PHF8: variants seen among roughly 807,000 people sequenced by gnomAD.
PHF8 encodes the protein PHD finger protein 8.
PHF8 carries 9 observed loss-of-function variants against 74.4 expected under a neutral mutation model. The ratio of observed to expected loss-of-function variants is 0.12; its 90% CI spans 0.07 to 0.21. The LOEUF is 0.21. Among genes scored for constraint, PHF8 ranks in the 10% least tolerant of loss-of-function variants. The pLI, the probability that PHF8 is intolerant of heterozygous loss-of-function variation, is 1.00. For missense variants in PHF8, 478 were observed against 816.6 expected (o/e 0.59, Z 5.05); for synonymous variants, 311 against 316.6 (o/e 0.98, Z 0.19).
At chrX:54,016,548 G>T in intron 6 of PHF8, 47 bp downstream of exon 6, 1 of 1,088,193 alleles carries the variant, frequency 9.2e-7, no homozygotes, top group Non-Finnish European at 1.3e-6. Context: ...TATCACACAA[G>T]TTTCAGGCAC....
intron 1 of PHF8, chrX:54,043,159 T>G: frequency 2.6e-6 from 2 of 781,463 alleles, no homozygotes; most frequent in Non-Finnish European, 3.1e-6. Flanking sequence ...AACCCTCCCC[T>G]AGCTGACCCC....
chrX:53,978,964 G>T (rs1434690615), intron 18 of PHF8, among the ~76,000 whole-genome samples: 2 of 111,263 alleles, frequency 1.8e-5, no homozygotes, highest in Non-Finnish European at 3.8e-5. Flanking sequence ...GACTACAAAG[G>T]GGGTAGTAAC....
chrX:54,009,851 A>G lies in PHF8; in HGVS notation c.946+1271T>C, dbSNP rs1557106321. Among the ~76,000 whole-genome samples, 34 of 74,106 alleles carry G rather than the reference A, an allele frequency of 4.6e-4. 1 individual carries two copies. Among genetic ancestry groups the G allele is most frequent in the Middle Eastern group, 0.011 (2 of 176 alleles). 64.4% of individuals were successfully genotyped at this position (74,106 alleles called of 115,157 possible). A position where few individuals can be genotyped will look rare whatever the true frequency, so the allele number is the denominator to read the frequency against. On this transcript the variant is annotated intron_variant, in intron 8 of 21. Transcript: ENST00000338154. ...GAGTGAGACTCTGTCTCAGAAAAAA[A>G]AAAAAAAAAAAAAAAAAAAAAAAAA...
chrX:54,016,194 GAA>G (rs1869556499), intron 6 of PHF8, among the ~76,000 whole-genome samples: 1 of 111,713 alleles, frequency 9.0e-6, no homozygotes, highest in African/African-American at 3.2e-5. Context: ...CCACCAGGAA[GAA>G]GAGAAAGGAA....
rs1212032166 is a variant in PHF8 at position 53,985,625 on chromosome X, G to A, written c.2129+191C>T. The A allele has an allele frequency of 6.9e-6, 5 of 721,866 alleles. No individual in the cohort carries two copies. In the African/African-American group the frequency reaches 1.1e-4, roughly 15 times the overall value. 59.5% of individuals were successfully genotyped at this position (721,866 alleles called of 1,213,427 possible). ...CCTCTTGAAGTCTATACATCTTATT[G>A]CCATCAGATCTTAAGTTCCTTAGGA... On this transcript the variant is annotated intron_variant, in intron 17 of 21. Coordinates refer to ENST00000338154, the MANE Select transcript of PHF8 (RefSeq NM_015107.3).
chrX:54,018,916 G>A (rs2066118975), intron 4 of PHF8, among the ~76,000 whole-genome samples: 3 of 111,431 alleles, frequency 2.7e-5, no homozygotes, highest in Non-Finnish European at 5.7e-5. Context: ...CACTGTGCCT[G>A]GCCTGCCTAT....
rs372976681 is a variant in PHF8, at chrX:53,958,043, ATT to A, written c.2539+4799_2539+4800del. On this transcript the variant is annotated intron_variant, in intron 19 of 21. Transcript: ENST00000338154. ...ACTTCTGCAATAAGTATCAAGAACTATTTTTTTTTTTTTTTTGAGATGAAGTC... is the reference window on the plus strand; with the variant it reads ...ACTTCTGCAATAAGTATCAAGAACTATTTTTTTTTTTTTTGAGATGAAGTC... Among the ~76,000 whole-genome samples, 55 of 96,702 alleles carry A rather than the reference ATT, an allele frequency of 5.7e-4. 1 individual carries two copies. The highest frequency in any genetic ancestry group is 1.4e-3 in the African/African-American group (35 of 25,267). The allele number at this position is 96,702 out of a possible 115,157, so 84.0% of individuals were successfully genotyped here. A position where few individuals can be genotyped will look rare whatever the true frequency, so the allele number is the denominator to read the frequency against.
intron 7 of PHF8, among the ~76,000 whole-genome samples, chrX:54,013,025 G>A (rs2066006523): frequency 9.1e-6 from 1 of 110,345 alleles, no homozygotes; most frequent in Non-Finnish European, 1.9e-5. Flanking sequence ...GGCTGAGGTG[G>A]GAGGATCCCT....
At position 53,958,380 on chromosome X, in the gene PHF8, C is replaced by T. The variant is rs183602301; in HGVS notation, c.2539+4464G>A. On this transcript the variant is annotated intron_variant, in intron 19 of 21. Transcript: ENST00000338154. ...GAGAGAAAAGCAAAGCACATAACAG[C>T]GTATAAAATACGTTTCCAACTGAGT... Among the ~76,000 whole-genome samples, 22 of 106,885 alleles carry T rather than the reference C, an allele frequency of 2.1e-4. 1 individual carries two copies. The highest frequency in any genetic ancestry group is 7.2e-4 in the African/African-American group (21 of 29,226). The allele number at this position is 106,885 out of a possible 115,157, so 92.8% of individuals were successfully genotyped here. A position where few individuals can be genotyped will look rare whatever the true frequency, so the allele number is the denominator to read the frequency against.
At chrX:53,966,801 G>A (rs1404769319) in intron 18 of PHF8, among the ~76,000 whole-genome samples, 9 of 109,373 alleles carry the variant, frequency 8.2e-5, no homozygotes, top group Non-Finnish European at 1.3e-4. Flanking sequence ...GCCTCTTCCC[G>A]GCCGCCATCC....
At chrX:53,967,156 C>T (rs782397956) in intron 18 of PHF8, among the ~76,000 whole-genome samples, 17,836 of 89,370 alleles carry the variant, frequency 0.2, 3,122 homozygotes, top group African/African-American at 0.67. Context: ...GTCAGCCCCC[C>T]GCCCGGCCAG....
intron 4 of PHF8, among the ~76,000 whole-genome samples, chrX:54,018,273 C>T (rs2066105227): frequency 9.0e-6 from 1 of 111,196 alleles, no homozygotes; most frequent in Admixed American, 9.6e-5. Flanking sequence ...GCCTGGGCAT[C>T]ATTTCTAAAC....
intron 20 of PHF8, among the ~76,000 whole-genome samples, chrX:53,941,433 A>G (rs1557083495): frequency 8.9e-6 from 1 of 111,856 alleles, no homozygotes; most frequent in Non-Finnish European, 1.9e-5. Context: ...ACAAATAAGG[A>G]GTTGTGTCAC....
chrX:54,005,330 T>A (rs1457021731), intron 8 of PHF8, among the ~76,000 whole-genome samples: 1 of 106,926 alleles, frequency 9.4e-6, no homozygotes, highest in East Asian at 2.9e-4. Context: ...TAGCAGGGCA[T>A]GGTGGCACAT....
chrX:54,042,353 C>A (rs1180320861), intron 2 of PHF8, among the ~76,000 whole-genome samples: 1 of 80,954 alleles, frequency 1.2e-5, no homozygotes, highest in East Asian at 3.8e-4. Flanking sequence ...AAAAATGATT[C>A]TTTGTAACAG....
intron 2 of PHF8, among the ~76,000 whole-genome samples, chrX:54,037,562 T>C (rs2066485776): frequency 8.9e-6 from 1 of 112,305 alleles, no homozygotes; most frequent in African/African-American, 3.2e-5. Context: ...GATACATTTT[T>C]AGTATCACTA....
At chrX:53,939,983 G>C (rs1384071679) in intron 21 of PHF8, among the ~76,000 whole-genome samples, 197 bp downstream of exon 21, 1 of 110,409 alleles carries the variant, frequency 9.1e-6, no homozygotes, top group African/African-American at 3.3e-5. Context: ...CCACCAGAAG[G>C]ATCTTTCAAA....
intron 2 of PHF8, among the ~76,000 whole-genome samples, chrX:54,030,552 G>A (rs2066338302): frequency 1.8e-5 from 2 of 112,069 alleles, no homozygotes; most frequent in Admixed American, 1.9e-4. Flanking sequence ...TTTAGAGCGG[G>A]AGACAGAGAG....
intron 18 of PHF8, among the ~76,000 whole-genome samples, chrX:53,977,051 C>T (rs191930125): frequency 8.9e-6 from 1 of 112,417 alleles, no homozygotes; most frequent in Admixed American, 9.4e-5. Context: ...AAAATAAATC[C>T]AGGCTGGGTG....
Sources: gnomAD v4.1 joint callset for allele counts (sites outside exome capture counted in the v4.1 genomes callset) on GRCh38, gnomAD v4.1.1 for gene constraint, MANE v1.5 for transcripts, NCBI Gene and HGNC (gene_info 2026-07-23, HGNC 2026-07-21) for gene names.